Variants in AGPS observed in about 807,000 individuals in gnomAD.
AGPS encodes alkyldihydroxyacetonephosphate synthase, peroxisomal.
Under a neutral mutation model 90.7 loss-of-function variants are expected in AGPS, and 26 were observed. The observed-to-expected ratio is 0.29, with a 90% CI of 0.21 to 0.40. The LOEUF is 0.40. Among genes scored for constraint, AGPS ranks in the 10% least tolerant of loss-of-function variants. AGPS has a pLI of 1.00. For synonymous variants in AGPS, 294 were observed against 285.3 expected (o/e 1.03, Z -0.31); for missense variants, 540 against 816.1 (o/e 0.66, Z 4.12).
chr2:177,529,447 G>C (rs762112083), intron 19 of AGPS, among the ~76,000 whole-genome samples: 18 of 152,098 alleles, frequency 1.2e-4, no homozygotes, highest in Non-Finnish European at 2.2e-4. Context: ...TCCAGCATGG[G>C]TGATAGAGAG....
intron 1 of AGPS, among the ~76,000 whole-genome samples, chr2:177,404,199 C>T (rs1438099522): frequency 6.6e-6 from 1 of 152,074 alleles, no homozygotes; most frequent in Non-Finnish European, 1.5e-5. Context: ...GATGTTCTAG[C>T]CTGAGTCTTT....
intron 1 of AGPS, chr2:177,393,417 T>G (rs1462463356): frequency 1.0e-6 from 1 of 985,310 alleles, no homozygotes; most frequent in Non-Finnish European, 1.2e-6. Flanking sequence ...TCTATTTTTC[T>G]CCGAGGAGAT....
intron 11 of AGPS, among the ~76,000 whole-genome samples, chr2:177,487,190 G>T (rs867488702): frequency 6.6e-6 from 1 of 151,776 alleles, no homozygotes; most frequent in Non-Finnish European, 1.5e-5. Context: ...TGAAGCTTGG[G>T]TTTTTTTTGT....
intron 9 of AGPS, among the ~76,000 whole-genome samples, chr2:177,466,609 T>C (rs1314344035): frequency 6.6e-6 from 1 of 152,216 alleles, no homozygotes; most frequent in Non-Finnish European, 1.5e-5. Context: ...TCCTCCCTTC[T>C]GTGCTCATTG....
chr2:177,470,589 A>C (rs1687584679), intron 10 of AGPS, among the ~76,000 whole-genome samples: 1 of 151,814 alleles, frequency 6.6e-6, no homozygotes, highest in Admixed American at 6.6e-5. Flanking sequence ...CTGTAATCCC[A>C]GCTACTTGAG....
At chr2:177,429,659 A>T (rs932210550) in intron 2 of AGPS, among the ~76,000 whole-genome samples, 7 of 152,210 alleles carry the variant, frequency 4.6e-5, no homozygotes, top group African/African-American at 1.7e-4. Context: ...GGAGGCTGTG[A>T]AACAGCAAAG....
chr2:177,415,619 A>G (rs1386885239), intron 1 of AGPS, among the ~76,000 whole-genome samples: 1 of 152,218 alleles, frequency 6.6e-6, no homozygotes, highest in Non-Finnish European at 1.5e-5. Context: ...GTGTTGCATG[A>G]TAATGTTCAA....
intron 8 of AGPS, among the ~76,000 whole-genome samples, chr2:177,460,118 G>A (rs1229692626): frequency 6.6e-6 from 1 of 152,176 alleles, no homozygotes; most frequent in African/African-American, 2.4e-5. Context: ...TGAACAATGA[G>A]TACACATGGA....
chr2:177,423,740 T>A (rs1224122160), intron 2 of AGPS, among the ~76,000 whole-genome samples: 1 of 152,214 alleles, frequency 6.6e-6, no homozygotes, highest in African/African-American at 2.4e-5. Flanking sequence ...TATTATAGAA[T>A]AACAGCTTTT....
At chr2:177,468,656 C>A in intron 10 of AGPS, 132 bp downstream of exon 10, 1 of 652,326 alleles carries the variant, frequency 1.5e-6, no homozygotes, top group Non-Finnish European at 2.6e-6. Context: ...AAATTTTTAT[C>A]ATTTTAAGAC....
chr2:177,440,833 T>A, intron 5 of AGPS, 132 bp from the exon 6 acceptor site: 1 of 717,442 alleles, frequency 1.4e-6, no homozygotes, highest in Non-Finnish European at 2.4e-6. Flanking sequence ...AGTACTCAAT[T>A]AACTCATTGT....
intron 9 of AGPS, among the ~76,000 whole-genome samples, chr2:177,462,268 C>T (rs958280452): frequency 1.2e-4 from 18 of 151,526 alleles, no homozygotes; most frequent in African/African-American, 4.1e-4. Context: ...TGGCGGGCTC[C>T]TGTAGTCCCA....
intron 1 of AGPS, among the ~76,000 whole-genome samples, chr2:177,393,938 T>C (rs1459854097): frequency 1.3e-5 from 2 of 152,202 alleles, no homozygotes; most frequent in Non-Finnish European, 2.9e-5. Flanking sequence ...AGTGTACTTT[T>C]AAGTGTGCCA....
chr2:177,469,515 C>G (rs1687549649), intron 10 of AGPS, among the ~76,000 whole-genome samples: 1 of 152,116 alleles, frequency 6.6e-6, no homozygotes, highest in African/African-American at 2.4e-5. Context: ...AGACCTTTGT[C>G]AAGATATCTC....
intron 11 of AGPS, among the ~76,000 whole-genome samples, chr2:177,484,908 G>A (rs1418461237): frequency 1.3e-5 from 2 of 151,948 alleles, no homozygotes; most frequent in East Asian, 3.9e-4. Flanking sequence ...GGGACCATAG[G>A]CACACACCAC....
intron 9 of AGPS, among the ~76,000 whole-genome samples, chr2:177,465,499 G>T (rs184011722): frequency 2.0e-5 from 3 of 152,332 alleles, no homozygotes; most frequent in East Asian, 3.9e-4. Flanking sequence ...GGCTCACGCT[G>T]CTGGTCTGGA....
chr2:177,483,878 A>G (rs1182160558), intron 11 of AGPS, among the ~76,000 whole-genome samples: 4 of 152,182 alleles, frequency 2.6e-5, no homozygotes, highest in Non-Finnish European at 5.9e-5. Flanking sequence ...TGTTTCTAAA[A>G]TATTCCATCA....
chr2:177,440,503 A>G (rs1237289154), intron 5 of AGPS, among the ~76,000 whole-genome samples: 1 of 152,200 alleles, frequency 6.6e-6, no homozygotes, highest in East Asian at 1.9e-4. Context: ...TGTCATGGTC[A>G]TGAAAGTTAA....
intron 19 of AGPS, among the ~76,000 whole-genome samples, chr2:177,531,216 G>A (rs1430961934): frequency 1.3e-5 from 2 of 152,092 alleles, no homozygotes; most frequent in African/African-American, 4.8e-5. Context: ...TTGGAAAGGA[G>A]GAAGTATAAC....
Sources: gnomAD v4.1 joint callset for allele counts (sites outside exome capture counted in the v4.1 genomes callset) on GRCh38, gnomAD v4.1.1 for gene constraint, MANE v1.5 for transcripts, NCBI Gene and HGNC (gene_info 2026-07-23, HGNC 2026-07-21) for gene names.